AFF1: variants seen among roughly 807,000 people sequenced by gnomAD.
AFF1 encodes AF4/FMR2 family member 1.
Under a neutral mutation model 121.7 loss-of-function variants are expected in AFF1, and 48 were observed. That is an observed-to-expected ratio of 0.39 (90% CI 0.31 to 0.50). The LOEUF is 0.50. AFF1 is among the 20% of genes least tolerant of loss of function. The pLI, the probability that AFF1 is intolerant of heterozygous loss-of-function variation, is 0.76. For synonymous variants in AFF1, 613 were observed against 563.0 expected (o/e 1.09, Z -1.26); for missense variants, 1,523 against 1,511.7 (o/e 1.01, Z -0.12).
chr4:87,126,668 T>C (rs1281358715), intron 14 of AFF1, among the ~76,000 whole-genome samples: 1 of 152,216 alleles, frequency 6.6e-6, no homozygotes, highest in African/African-American at 2.4e-5. Flanking sequence ...GATACTTTCA[T>C]TCTTGGTTAT....
intron 1 of AFF1, among the ~76,000 whole-genome samples, chr4:86,940,539 C>T (rs974736365): frequency 2.5e-4 from 38 of 152,110 alleles, no homozygotes; most frequent in African/African-American, 8.2e-4. Flanking sequence ...GCTGGGATCA[C>T]AGGCATGTGC....
intron 2 of AFF1, among the ~76,000 whole-genome samples, chr4:87,031,358 G>A (rs907718921): frequency 6.6e-6 from 1 of 151,992 alleles, no homozygotes; most frequent in African/African-American, 2.4e-5. Context: ...AATCACCCCA[G>A]GCTCCTCCAT....
rs3832291 is a variant in AFF1 at position 87,139,988 on chromosome 4, CT to C, written c.*4288del. On this transcript the variant is annotated 3_prime_UTR_variant, in exon 21 of 21. Coordinates refer to ENST00000395146, the MANE Select transcript of AFF1 (RefSeq NM_001166693.3). ...TGTCAGGAGGAAATGACATTATATT[CT>C]GTTCCACTGAACGTCAGAGATCAGC... 1.1e-4 allele frequency: 24 copies of C among 209,318 alleles called. No individual in the cohort carries two copies. The East Asian group carries it at 1.7e-3, about 15-fold the overall frequency. The allele number at this position is 209,318 out of a possible 1,614,324, so 13.0% of individuals were successfully genotyped here.
chr4:86,948,905 GAAAT>G lies in AFF1; in HGVS notation c.38+342_38+345del, dbSNP rs971076463. 9.9e-5 allele frequency among the ~76,000 whole-genome samples: 15 copies of G among 152,228 alleles called. No individual in the cohort carries two copies. In the East Asian group the frequency reaches 1.4e-3, roughly 14 times the overall value. On this transcript the variant is annotated intron_variant, in intron 2 of 20. Transcript: ENST00000395146. ...GCATACACATGTTCAGCCTGTGCTT[GAAAT>G]AAATAAACAAATCCATCTCATCCTG...
intron 4 of AFF1, among the ~76,000 whole-genome samples, chr4:87,055,882 A>C (rs1247747332): frequency 6.6e-6 from 1 of 152,126 alleles, no homozygotes; most frequent in Non-Finnish European, 1.5e-5. Flanking sequence ...ATTTGACATT[A>C]TTTTCCAAGG....
intron 2 of AFF1, among the ~76,000 whole-genome samples, chr4:87,005,803 C>T (rs1253225827): frequency 6.6e-6 from 1 of 151,560 alleles, no homozygotes; most frequent in East Asian, 1.9e-4. Flanking sequence ...ATAAAGGAAA[C>T]GCTTAAAAAA....
Position 87,091,849 on chromosome 4 carries a change from CT to C in AFF1, c.1228+22del. 1 of 1,544,062 alleles carries C rather than the reference CT, an allele frequency of 6.5e-7. No individual in the cohort carries two copies. The highest frequency in any genetic ancestry group is 1.2e-5 in the South Asian group (1 of 82,210). ...ACCAAAGTAAGTAAATTTGAAACTG[CT>C]TATTGGATTGGAGAACAAAGCATAG... On this transcript the variant is annotated intron_variant, in intron 7 of 20. Transcript: ENST00000395146.
intron 2 of AFF1, among the ~76,000 whole-genome samples, chr4:86,996,063 C>T (rs530161444): frequency 6.1e-4 from 92 of 151,448 alleles, no homozygotes; most frequent in African/African-American, 2.0e-3. Flanking sequence ...AAGTGAGGAG[C>T]GTCTCTGCCC....
intron 19 of AFF1, among the ~76,000 whole-genome samples, chr4:87,132,632 A>G (rs1728939635): frequency 6.6e-6 from 1 of 152,206 alleles, no homozygotes; most frequent in Non-Finnish European, 1.5e-5. Flanking sequence ...AAACATAAAA[A>G]GGTAATTGCA....
At chr4:87,106,551 T>C (rs2149747908) in intron 10 of AFF1, among the ~76,000 whole-genome samples, 1 of 152,368 alleles carries the variant, frequency 6.6e-6, no homozygotes, top group South Asian at 2.1e-4. Context: ...ATGCCTGTTT[T>C]CTTAGTTACA....
chr4:87,068,257 G>GCTC (rs1553925971), intron 4 of AFF1, among the ~76,000 whole-genome samples: 1 of 120,132 alleles, frequency 8.3e-6, no homozygotes, highest in African/African-American at 3.1e-5. Flanking sequence ...CATGAAAATT[G>GCTC]CCCCCCCCCC....
chr4:86,971,323 A>G (rs1353198133), intron 2 of AFF1, among the ~76,000 whole-genome samples: 2 of 152,172 alleles, frequency 1.3e-5, no homozygotes, highest in African/African-American at 4.8e-5. Flanking sequence ...TTTAATAGCT[A>G]GGTCTCTGAT....
chr4:87,083,126 A>C (rs1333831346), intron 4 of AFF1, among the ~76,000 whole-genome samples: 2 of 152,172 alleles, frequency 1.3e-5, no homozygotes, highest in Non-Finnish European at 2.9e-5. Flanking sequence ...GTTCAGAAAA[A>C]ATAATTGATT....
Position 87,108,141 on chromosome 4 carries a change from CT to C in AFF1, c.1377-14del. 6.2e-7 allele frequency: 1 copy of C among 1,609,760 alleles called. No homozygotes were observed. The highest frequency in any genetic ancestry group is 8.5e-7 in the Non-Finnish European group (1 of 1,178,272). ...CTTGTATCGTGCCTTCTAATTTTAT[CT>C]TTTGGTTGCTTTGCAGTGCTCCACA... On this transcript the variant is annotated splice_polypyrimidine_tract_variant and intron_variant, in intron 10 of 20. Coordinates refer to ENST00000395146, the MANE Select transcript of AFF1 (RefSeq NM_001166693.3).
rs1578341314 is a variant in AFF1 at position 87,140,897 on chromosome 4, T to A, written c.*5196T>A. On this transcript the variant is annotated 3_prime_UTR_variant, in exon 21 of 21. Coordinates refer to ENST00000395146, the MANE Select transcript of AFF1 (RefSeq NM_001166693.3). ...GCAAAAGATCTTTCCAAAGACAATG[T>A]GCCACAGATCTTTTGTTCTCTGTAA... The A allele has an allele frequency of 5.4e-6, 1 of 184,514 alleles. No homozygotes were observed. Among genetic ancestry groups the A allele is most frequent in the Non-Finnish European group, 1.2e-5 (1 of 86,570 alleles). The allele number at this position is 184,514 out of a possible 1,614,324, so 11.4% of individuals were successfully genotyped here.
At chr4:87,121,755 C>T (rs1005286410) in intron 12 of AFF1, among the ~76,000 whole-genome samples, 4 of 152,206 alleles carry the variant, frequency 2.6e-5, no homozygotes, top group Non-Finnish European at 4.4e-5. Context: ...CAGTAAGTGC[C>T]AATGCAGTTG....
chr4:86,961,589 G>C (rs528829776), intron 2 of AFF1, among the ~76,000 whole-genome samples: 7 of 151,812 alleles, frequency 4.6e-5, no homozygotes, highest in Non-Finnish European at 1.0e-4. Context: ...TGTGGGAAGG[G>C]GGGGCTGAGT....
Position 87,115,054 on chromosome 4 carries a change from A to AGGCT in AFF1, c.2222_2223insGCTG (p.Ser741ArgfsTer57). 6.2e-7 allele frequency: 1 copy of AGGCT among 1,614,198 alleles called. No individual in the cohort carries two copies. Among genetic ancestry groups the AGGCT allele is most frequent in the East Asian group, 2.2e-5 (1 of 44,862 alleles). ...CCAAGCCGTGGTGGTCCAGGAGGAC[A>AGGCT]GCCGCAAAGACAGACTCCCATTGCC... On this transcript the variant is annotated frameshift_variant, in exon 12 of 21. Transcript: ENST00000395146. LOFTEE classifies it high-confidence loss of function.
intron 13 of AFF1, among the ~76,000 whole-genome samples, chr4:87,125,851 G>A (rs1167571747): frequency 6.6e-6 from 1 of 152,190 alleles, no homozygotes; most frequent in Non-Finnish European, 1.5e-5. Flanking sequence ...CGTTCGGAAT[G>A]GTTGGGGAAA....
Sources: gnomAD v4.1 joint callset for allele counts (sites outside exome capture counted in the v4.1 genomes callset) on GRCh38, gnomAD v4.1.1 for gene constraint, MANE v1.5 for transcripts, NCBI Gene and HGNC (gene_info 2026-07-23, HGNC 2026-07-21) for gene names.